The following PGR variants were observed in gnomAD, a reference collection of about 807,000 sequenced individuals.
PGR encodes the protein nuclear receptor subfamily 3 group C member 3.
A neutral mutation model predicts 76.1 loss-of-function variants in PGR; 25 were observed. The observed-to-expected ratio is 0.33, with a 90% confidence interval of 0.24 to 0.46. PGR has a LOEUF of 0.46. Ranked by LOEUF, PGR falls within the 20% of genes least tolerant of loss-of-function variation. PGR has a pLI of 1.00. For synonymous variants in PGR, 579 were observed against 535.0 expected (o/e 1.08, Z -1.14); for missense variants, 1,172 against 1,225.3 (o/e 0.96, Z 0.65).
At chr11:101,064,770 T>C (rs747522573) in intron 3 of PGR, among the ~76,000 whole-genome samples, 1 of 152,226 alleles carries the variant, frequency 6.6e-6, no homozygotes, top group Non-Finnish European at 1.5e-5. Context: ...TTATTATCTG[T>C]TGCTGTATGG....
At chr11:101,095,397 A>T (rs1168418622) in intron 2 of PGR, among the ~76,000 whole-genome samples, 1 of 152,228 alleles carries the variant, frequency 6.6e-6, no homozygotes, top group Admixed American at 6.5e-5. Context: ...TAAAAATAAT[A>T]AAAGAACAAC....
chr11:101,107,956 A>G (rs1337554339), intron 2 of PGR, among the ~76,000 whole-genome samples: 2 of 151,954 alleles, frequency 1.3e-5, no homozygotes, highest in Non-Finnish European at 2.9e-5. Context: ...GCACCAAAAT[A>G]TATAAGATTT....
intron 3 of PGR, among the ~76,000 whole-genome samples, chr11:101,085,362 A>G (rs1438855072): frequency 1.1e-5 from 1 of 93,438 alleles, no homozygotes; most frequent in East Asian, 2.1e-4. Context: ...AAATCAAGGC[A>G]GAAATAAAAA....
At chr11:101,122,247 A>G (rs1006467412) in intron 2 of PGR, among the ~76,000 whole-genome samples, 4 of 152,122 alleles carry the variant, frequency 2.6e-5, no homozygotes, top group Non-Finnish European at 5.9e-5. Flanking sequence ...ATACATTTCA[A>G]TTGTATTATA....
intron 3 of PGR, among the ~76,000 whole-genome samples, chr11:101,088,659 T>C (rs1861574932): frequency 6.6e-6 from 1 of 152,118 alleles, no homozygotes; most frequent in Admixed American, 6.5e-5. Context: ...AGAACTACCA[T>C]TAGACCAGCA....
At chr11:101,076,919 ATTTTTTTTTTTTT>A (rs59106149) in intron 3 of PGR, among the ~76,000 whole-genome samples, 1 of 65,132 alleles carries the variant, frequency 1.5e-5, no homozygotes, top group Non-Finnish European at 3.3e-5. Flanking sequence ...TACAAATGGA[ATTTTTTTTTTTTT>A]TTTTTTTTTT....
At chr11:101,042,979 T>C (rs1015530931) in intron 6 of PGR, among the ~76,000 whole-genome samples, 1 of 152,150 alleles carries the variant, frequency 6.6e-6, no homozygotes, top group Non-Finnish European at 1.5e-5. Context: ...TGGCTGCTGA[T>C]TGGCCAGGGT....
intron 2 of PGR, among the ~76,000 whole-genome samples, chr11:101,096,349 C>T (rs531487594): frequency 1.6e-4 from 24 of 152,146 alleles, no homozygotes; most frequent in Non-Finnish European, 2.9e-4. Flanking sequence ...ATCAAAACTG[C>T]AAAGTAGATG....
At chr11:101,115,333 T>C (rs544801996) in intron 2 of PGR, among the ~76,000 whole-genome samples, 1 of 152,174 alleles carries the variant, frequency 6.6e-6, no homozygotes, top group South Asian at 2.1e-4. Flanking sequence ...CAAAAACACA[T>C]TTGATTTATA....
chr11:101,059,437 G>T (rs1402563044), intron 4 of PGR, among the ~76,000 whole-genome samples: 1 of 151,930 alleles, frequency 6.6e-6, no homozygotes, highest in Non-Finnish European at 1.5e-5. Flanking sequence ...GCCCACTAAG[G>T]CTACAGATAA....
At position 101,038,069 on chromosome 11, in the gene PGR, T is replaced by C. The variant is rs1240772759; in HGVS notation, c.*1047A>G. On this transcript the variant is annotated 3_prime_UTR_variant, in exon 8 of 8. Coordinates refer to ENST00000325455, the MANE Select transcript of PGR (RefSeq NM_000926.4). Reference sequence around the variant, plus strand: ...GGAATTTGTGTCAAAGGGGGAAAATTCTGGAAGAAATTTCATGGTAAAAAG... The same window carrying C: ...GGAATTTGTGTCAAAGGGGGAAAATCCTGGAAGAAATTTCATGGTAAAAAG... 4.9e-6 allele frequency: 1 copy of C among 202,108 alleles called. No individual in the cohort carries two copies. The highest frequency in any genetic ancestry group is 1.0e-5 in the Non-Finnish European group (1 of 98,270). The allele number at this position is 202,108 out of a possible 1,614,324, so 12.5% of individuals were successfully genotyped here. A position where few individuals can be genotyped will look rare whatever the true frequency, so the allele number is the denominator to read the frequency against.
intron 3 of PGR, among the ~76,000 whole-genome samples, chr11:101,083,954 G>A (rs1408308087): frequency 1.3e-5 from 2 of 152,110 alleles, no homozygotes; most frequent in Non-Finnish European, 2.9e-5. Flanking sequence ...AGCTTTGGGA[G>A]GGGCCAGGGG....
intron 2 of PGR, among the ~76,000 whole-genome samples, chr11:101,111,283 G>T (rs912909813): frequency 3.3e-5 from 5 of 152,088 alleles, no homozygotes; most frequent in African/African-American, 1.2e-4. Context: ...AGCATTCTTG[G>T]TAGGGGCCAC....
chr11:101,127,861 A>T lies in PGR; in HGVS notation c.1210T>A (p.Tyr404Asn). The part of the protein sequence containing the change: ...AEASARSPRS[Y>N]LVAGANPAAF... ...GCGGGGTTGGCACCGGCCACAAGGTAGGAACGCGGGGAGCGCGCGGAGGCC... is the reference window on the plus strand; with the variant it reads ...GCGGGGTTGGCACCGGCCACAAGGTTGGAACGCGGGGAGCGCGCGGAGGCC... Residue 404 changes from tyrosine (Y) to asparagine (N), a missense_variant, in exon 1 of 8, where the codon TAC (tyrosine) becomes AAC (asparagine). By Grantham distance (143) the Tyr-to-Asn change is moderately radical (BLOSUM62 -2). This residue lies in a region of PGR where 893 missense variants were observed against 785.9 expected (regional missense o/e 1.14). Coordinates refer to ENST00000325455, the MANE Select transcript of PGR (RefSeq NM_000926.4). 6.3e-7 allele frequency: 1 copy of T among 1,597,708 alleles called. No individual in the cohort carries two copies. Among genetic ancestry groups the T allele is most frequent in the Non-Finnish European group, 8.5e-7 (1 of 1,176,698 alleles).
chr11:101,055,805 T>A (rs1224524766), intron 4 of PGR, among the ~76,000 whole-genome samples: 2 of 152,202 alleles, frequency 1.3e-5, no homozygotes, highest in African/African-American at 4.8e-5. Flanking sequence ...TCTTTGTTTT[T>A]GCATTCTGGG....
In PGR at chr11:101,031,764, A is replaced by G. The variant is rs919810894; in HGVS notation, c.*7352T>C. On this transcript the variant is annotated 3_prime_UTR_variant, in exon 8 of 8. Coordinates refer to ENST00000325455, the MANE Select transcript of PGR (RefSeq NM_000926.4). ...TGGTTCCATAGAAGGAATCCCAGAT[A>G]AGGCTTTTTAAAAGCCGAGCCCAGC... is the stretch of plus-strand genomic sequence containing the variant. 4.4e-6 allele frequency: 1 copy of G among 227,796 alleles called. No homozygotes were observed. Among genetic ancestry groups the G allele is most frequent in the African/African-American group, 2.2e-5 (1 of 45,034 alleles). 14.1% of individuals were successfully genotyped at this position (227,796 alleles called of 1,614,324 possible).
At chr11:101,102,872 T>C (rs1329559567) in intron 2 of PGR, among the ~76,000 whole-genome samples, 1 of 112,160 alleles carries the variant, frequency 8.9e-6, no homozygotes, top group African/African-American at 3.4e-5. Flanking sequence ...GTGGGGGGGG[T>C]TGGGGGAAGC....
chr11:101,103,282 A>G (rs1862051862), intron 2 of PGR, among the ~76,000 whole-genome samples: 1 of 152,120 alleles, frequency 6.6e-6, no homozygotes, highest in Non-Finnish European at 1.5e-5. Context: ...GATGGAGCAG[A>G]TCTAAATAGT....
At chr11:101,097,413 ACATT>A in intron 2 of PGR, among the ~76,000 whole-genome samples, 1 of 152,332 alleles carries the variant, frequency 6.6e-6, no homozygotes, top group Middle Eastern at 3.4e-3. Context: ...TACCAACTGC[ACATT>A]CAATGTATTC....
Sources: gnomAD v4.1 joint callset for allele counts (sites outside exome capture counted in the v4.1 genomes callset) on GRCh38, gnomAD v4.1.1 for gene constraint, gnomAD v4.1.1 regional missense constraint, MANE v1.5 for transcripts, NCBI Gene and HGNC (gene_info 2026-07-23, HGNC 2026-07-21) for gene names.